BCL2L13: variants seen among roughly 807,000 people sequenced by gnomAD.
The protein encoded by BCL2L13 is BCL2 like 13.
In BCL2L13, 13 loss-of-function variants were observed where a neutral mutation model predicts 25.8. The ratio of observed to expected loss-of-function variants is 0.50; its 90% CI spans 0.33 to 0.80. The LOEUF is 0.80. Among genes scored for constraint, BCL2L13 ranks in the 30% least tolerant of loss-of-function variants. BCL2L13 has a pLI of 0.02. For synonymous variants in BCL2L13, 244 were observed against 230.3 expected (o/e 1.06, Z -0.54); for missense variants, 504 against 574.9 (o/e 0.88, Z 1.26).
chr22:17,638,459 C>CT (rs914863910), upstream of BCL2L13: 6 of 393,914 alleles, frequency 1.5e-5, no homozygotes, highest in African/African-American at 8.2e-5. Flanking sequence ...TGAACATAGC[C>CT]TGTGCATGCA....
rs933495644 is a variant in BCL2L13, at chr22:17,673,180, T to A, written c.122-10034T>A. On this transcript the variant is annotated intron_variant, in intron 2 of 6. Coordinates refer to ENST00000317582, the MANE Select transcript of BCL2L13 (RefSeq NM_015367.4). ...CTGTAAAGTTCTATGATTCAGTCAC[T>A]GATTAAACTCTCATAAGTATGCAAG... is the stretch of plus-strand genomic sequence containing the variant. Among the ~76,000 whole-genome samples, 3 of 152,272 alleles carry A rather than the reference T, an allele frequency of 2.0e-5. No homozygotes were observed. The East Asian group carries it at 5.8e-4, about 29-fold the overall frequency.
At chr22:17,638,930 G>C (rs1466451854) in intron 1 of BCL2L13, 44 bp downstream of exon 1, 2 of 1,225,988 alleles carry the variant, frequency 1.6e-6, no homozygotes, top group Admixed American at 8.4e-5. Context: ...GGGTGAGGAG[G>C]TGGTTTTCAC....
At chr22:17,671,902 T>C (rs1055816784) in intron 2 of BCL2L13, among the ~76,000 whole-genome samples, 1 of 152,146 alleles carries the variant, frequency 6.6e-6, no homozygotes, top group Non-Finnish European at 1.5e-5. Context: ...TTAGTAGAGA[T>C]GTCATTTCAC....
chr22:17,669,171 T>A (rs1243348094), intron 2 of BCL2L13, among the ~76,000 whole-genome samples: 1 of 151,796 alleles, frequency 6.6e-6, no homozygotes, highest in African/African-American at 2.4e-5. Context: ...TAGCTGGGAC[T>A]ACAGGTGCTT....
Position 17,721,453 on chromosome 22 carries a change from G to T in BCL2L13, c.601-5224G>T, listed in dbSNP as rs1048985214. 2.7e-5 allele frequency among the ~76,000 whole-genome samples: 4 copies of T among 150,672 alleles called. No homozygotes were observed. In the South Asian group the frequency reaches 8.4e-4, roughly 32 times the overall value. ...CCAGGGCTTGGGAGAGGGCTTCAGC[G>T]TGGTTAAAAAAATACATTCTTTTAA... On this transcript the variant is annotated intron_variant, in intron 6 of 6. Transcript: ENST00000317582.
At chr22:17,724,882 C>G (rs113677748) in intron 6 of BCL2L13, among the ~76,000 whole-genome samples, 1 of 152,194 alleles carries the variant, frequency 6.6e-6, no homozygotes. Flanking sequence ...GTTGGCCTAG[C>G]CCCTTGTGCA....
At chr22:17,635,924 T>C (rs2058097153), upstream of BCL2L13, among the ~76,000 whole-genome samples, 4 of 150,316 alleles carry the variant, frequency 2.7e-5, no homozygotes, top group South Asian at 8.7e-4. Flanking sequence ...TTGGCCAGGA[T>C]GGTCTCCATC....
intron 5 of BCL2L13, among the ~76,000 whole-genome samples, chr22:17,701,915 CAAAAAAA>C (rs5844321): frequency 9.6e-6 from 1 of 104,448 alleles, no homozygotes; most frequent in African/African-American, 3.5e-5. Context: ...GACTCCATCT[CAAAAAAA>C]AAAAAAAAAA....
intron 6 of BCL2L13, among the ~76,000 whole-genome samples, chr22:17,716,048 T>C (rs2060937358): frequency 6.6e-6 from 1 of 152,208 alleles, no homozygotes. Flanking sequence ...TTTTCTCCCT[T>C]GAAGCATTTA....
At chr22:17,706,919 A>C in intron 6 of BCL2L13, 6 of 965,228 alleles carry the variant, frequency 6.2e-6, no homozygotes, top group Non-Finnish European at 9.0e-6. Context: ...ACTGGAGGGA[A>C]TGTCATCTGT....
intron 6 of BCL2L13, among the ~76,000 whole-genome samples, chr22:17,713,407 A>T (rs2060816273): frequency 6.6e-6 from 1 of 152,056 alleles, no homozygotes; most frequent in Admixed American, 6.6e-5. Flanking sequence ...AGAGCCCATC[A>T]ATTTATGATG....
At chr22:17,664,550 G>A (rs192957214) in intron 2 of BCL2L13, among the ~76,000 whole-genome samples, 1 of 152,208 alleles carries the variant, frequency 6.6e-6, no homozygotes, top group African/African-American at 2.4e-5. Flanking sequence ...CCACTAGGCA[G>A]TGCCTCAGTG....
chr22:17,650,056 G>A (rs2146460706), intron 1 of BCL2L13, among the ~76,000 whole-genome samples: 1 of 150,720 alleles, frequency 6.6e-6, no homozygotes. Flanking sequence ...GTTTTGAAGA[G>A]ATGGGGTTTC....
intron 1 of BCL2L13, among the ~76,000 whole-genome samples, chr22:17,646,322 C>G (rs1441557386): frequency 1.3e-5 from 2 of 151,570 alleles, no homozygotes; most frequent in Non-Finnish European, 2.9e-5. Flanking sequence ...TCTCAGCTCA[C>G]TGCAACCTCC....
At chr22:17,668,322 G>T (rs563109804) in intron 2 of BCL2L13, among the ~76,000 whole-genome samples, 1 of 151,466 alleles carries the variant, frequency 6.6e-6, no homozygotes, top group Non-Finnish European at 1.5e-5. Context: ...CTGTCTTAAC[G>T]TTTTTTTATT....
At chr22:17,656,332 A>ATTT (rs1568935138) in intron 2 of BCL2L13, among the ~76,000 whole-genome samples, 7 of 70,478 alleles carry the variant, frequency 9.9e-5, no homozygotes, top group East Asian at 1.0e-3. Context: ...TTTTCATTTT[A>ATTT]TTCTTTTTTT....
At chr22:17,708,602 G>A (rs2060655103) in intron 6 of BCL2L13, among the ~76,000 whole-genome samples, 1 of 152,176 alleles carries the variant, frequency 6.6e-6, no homozygotes, top group African/African-American at 2.4e-5. Flanking sequence ...CCTTGGGCAA[G>A]TTACTCAAAC....
At chr22:17,647,468 ATT>A (rs2058536341) in intron 1 of BCL2L13, among the ~76,000 whole-genome samples, 1 of 151,928 alleles carries the variant, frequency 6.6e-6, no homozygotes, top group South Asian at 2.1e-4. Flanking sequence ...AAACTGACAA[ATT>A]TGCTTCTTTC....
chr22:17,646,955 A>ATATTTTTTTTTTT (rs768488873), intron 1 of BCL2L13, among the ~76,000 whole-genome samples: 5 of 22,188 alleles, frequency 2.3e-4, no homozygotes, highest in Non-Finnish European at 3.1e-4. Flanking sequence ...ATATATATAT[A>ATATTTTTTTTTTT]TTTTTTTTTT....
Sources: gnomAD v4.1 joint callset for allele counts (sites outside exome capture counted in the v4.1 genomes callset) on GRCh38, gnomAD v4.1.1 for gene constraint, MANE v1.5 for transcripts, NCBI Gene and HGNC (gene_info 2026-07-23, HGNC 2026-07-21) for gene names.